Variants in PDXDC1 observed in about 807,000 individuals in gnomAD.
The protein encoded by PDXDC1 is pyridoxal dependent decarboxylase domain containing 1.
PDXDC1 carries 42 observed loss-of-function variants against 100.1 expected under a neutral mutation model. That is an observed-to-expected ratio of 0.42 (90% CI 0.33 to 0.54). PDXDC1 has a LOEUF of 0.54. Ranked by LOEUF, PDXDC1 falls within the 20% of genes least tolerant of loss-of-function variation. The pLI, the probability that PDXDC1 is intolerant of heterozygous loss-of-function variation, is 0.10. For missense variants in PDXDC1, 636 were observed against 979.2 expected, an observed-to-expected ratio of 0.65 and a Z score of 4.68; for synonymous variants, 260 against 371.7, an observed-to-expected ratio of 0.70 and a Z score of 3.46.
At chr16:15,047,418 CTA>C (rs771766502) in intron 16 of PDXDC1, 1 of 1,424,828 alleles carries the variant, frequency 7.0e-7, no homozygotes, top group South Asian at 1.1e-5. Flanking sequence ...CTCAATTCAC[CTA>C]TGAGAGCAGC....
At chr16:15,131,994 G>A (rs541141200) in intron 16 of PDXDC1, among the ~76,000 whole-genome samples, 14 of 4,956 alleles carry the variant, frequency 2.8e-3, no homozygotes, top group Non-Finnish European at 5.2e-3. Context: ...GGAGCAGGGG[G>A]ATAAGGGAGG....
chr16:15,094,385 C>A lies in PDXDC1; in HGVS notation c.1400-44494C>A, dbSNP rs2151834390. The A allele has an allele frequency of 7.1e-6, 5 of 699,836 alleles. No individual in the cohort carries two copies. The South Asian group carries it at 8.4e-5, about 12-fold the overall frequency. The allele number at this position is 699,836 out of a possible 1,614,324, so 43.4% of individuals were successfully genotyped here. On this transcript the variant is annotated intron_variant, in intron 16 of 16. Transcript: ENST00000535621. ...GGCGTATGCTCTCGGCGGGCTAGAGCGCCGCTGAAACCCGCTCCTCGTTCT... is the reference window on the plus strand; with the variant it reads ...GGCGTATGCTCTCGGCGGGCTAGAGAGCCGCTGAAACCCGCTCCTCGTTCT...
intron 1 of PDXDC1, among the ~76,000 whole-genome samples, chr16:14,985,782 T>C (rs541199907): frequency 1.3e-5 from 2 of 152,416 alleles, no homozygotes; most frequent in South Asian, 4.1e-4. Context: ...CCATACTGTC[T>C]GATAAAAATC....
chr16:15,031,554 C>G (rs1222787052), intron 16 of PDXDC1, among the ~76,000 whole-genome samples, 181 bp from the exon 17 acceptor site: 2 of 152,200 alleles, frequency 1.3e-5, no homozygotes, highest in African/African-American at 4.8e-5. Flanking sequence ...CCAGCTGTGT[C>G]TGTTTCTAAC....
intron 12 of PDXDC1, among the ~76,000 whole-genome samples, chr16:15,020,111 CAAAAAAAAAAAAAA>C (rs56353637): frequency 4.4e-5 from 4 of 90,620 alleles, no homozygotes; most frequent in South Asian, 4.5e-4. Context: ...GGCTCCGTCT[CAAAAAAAAAAAAAA>C]AAAAAAAAAA....
rs1432235143 is a variant in PDXDC1, at chr16:15,036,831, TAGTA to T, written c.*559_*562del. On this transcript the variant is annotated 3_prime_UTR_variant, in exon 23 of 23. Transcript: ENST00000396410. The stretch of plus-strand genomic sequence containing the variant: ...CCAGCTACTGCTCTTCGTGGAGACT[TAGTA>T]AGGACTGTGTCTACTTGAGCTGTGG... 6.3e-6 allele frequency: 1 copy of T among 158,542 alleles called. No homozygotes were observed. Among genetic ancestry groups the T allele is most frequent in the African/African-American group, 2.4e-5 (1 of 41,474 alleles). The allele number at this position is 158,542 out of a possible 1,614,324, so 9.8% of individuals were successfully genotyped here.
chr16:15,061,374 A>C (rs1049319762), intron 16 of PDXDC1: 7 of 213,134 alleles, frequency 3.3e-5, no homozygotes, highest in Non-Finnish European at 6.5e-5. Flanking sequence ...ATCTGACAAA[A>C]ACCCATGTTA....
At chr16:15,131,532 C>A (rs1026920973) in intron 16 of PDXDC1, 55 of 1,609,176 alleles carry the variant, frequency 3.4e-5, no homozygotes, top group Non-Finnish European at 4.6e-5. Flanking sequence ...CCACGATCTC[C>A]TCGCCCGCCA....
chr16:15,035,932 A>C (rs1238001905), intron 22 of PDXDC1, 84 bp from the exon 23 acceptor site: 6 of 1,376,722 alleles, frequency 4.4e-6, no homozygotes, highest in Non-Finnish European at 6.0e-6. Context: ...TTGTGAAATA[A>C]AGCAATTATC....
chr16:15,123,373 G>A lies in PDXDC1; in HGVS notation c.1400-15506G>A, dbSNP rs1156969379. ...TCCTGAGCTCCCAGGGTTCCTCAAG[G>A]TCACTTTTGGTGACAAAACATAAAA... On this transcript the variant is annotated intron_variant, in intron 16 of 16. Transcript: ENST00000535621. 2.0e-5 allele frequency: 23 copies of A among 1,148,496 alleles called. No homozygotes were observed. The South Asian group carries it at 2.5e-4, about 12-fold the overall frequency. The allele number at this position is 1,148,496 out of a possible 1,614,324, so 71.1% of individuals were successfully genotyped here. A position where few individuals can be genotyped will look rare whatever the true frequency, so the allele number is the denominator to read the frequency against.
intron 16 of PDXDC1, chr16:15,131,154 C>G (rs757745916): frequency 1.9e-6 from 3 of 1,588,770 alleles, no homozygotes; most frequent in East Asian, 4.5e-5. Context: ...CCAGGGTGAC[C>G]ACAGCACCGA....
intron 13 of PDXDC1, chr16:15,025,564 A>G (rs1487406220): frequency 2.0e-5 from 3 of 152,558 alleles, no homozygotes; most frequent in African/African-American, 7.2e-5. Context: ...CTTGGTATGA[A>G]TACTGTCCAC....
chr16:15,104,704 A>G (rs751770228), intron 16 of PDXDC1: 2 of 1,597,392 alleles, frequency 1.3e-6, no homozygotes, highest in African/African-American at 2.7e-5. Flanking sequence ...GCTGTGAGGT[A>G]GGGCCAGCAG....
intron 16 of PDXDC1, among the ~76,000 whole-genome samples, chr16:15,067,072 T>A (rs2966191): frequency 7.4e-6 from 1 of 135,642 alleles, no homozygotes; most frequent in Non-Finnish European, 1.6e-5. Flanking sequence ...ACCCACTCAC[T>A]GCCGTTGCTT....
At chr16:15,055,135 T>C (rs2044453193) in intron 16 of PDXDC1, among the ~76,000 whole-genome samples, 1 of 152,142 alleles carries the variant, frequency 6.6e-6, no homozygotes, top group Non-Finnish European at 1.5e-5. Flanking sequence ...TTGATTCCCC[T>C]TTAACAGGAT....
At chr16:15,087,293 T>C (rs547251109) in intron 16 of PDXDC1, among the ~76,000 whole-genome samples, 18 of 152,304 alleles carry the variant, frequency 1.2e-4, no homozygotes, top group African/African-American at 3.8e-4. Flanking sequence ...ACACTCCACA[T>C]ATATATCTTC....
intron 8 of PDXDC1, chr16:15,010,524 G>C (rs2041172868): frequency 6.5e-6 from 1 of 154,210 alleles, no homozygotes; most frequent in Admixed American, 6.5e-5. Context: ...TTGTAAGATT[G>C]TTGTAAAAAT....
At chr16:15,099,938 G>T (rs531161535) in intron 16 of PDXDC1, among the ~76,000 whole-genome samples, 1 of 152,286 alleles carries the variant, frequency 6.6e-6, no homozygotes, top group African/African-American at 2.4e-5. Flanking sequence ...GCTAGTGAAA[G>T]AAACAAAGTC....
At position 15,030,893 on chromosome 16, in the gene PDXDC1, AC is replaced by A. The variant is rs542014229; in HGVS notation, c.1399+838del. Among the ~76,000 whole-genome samples, 55 of 152,034 alleles carry A rather than the reference AC, an allele frequency of 3.6e-4. No homozygotes were observed. In the South Asian group the frequency reaches 0.011, roughly 31 times the overall value. ...TTAGAGTCATCCGGGAGCTTTACACACAACCAGTGGCCGCCCACCCCCAGAG... is the reference window on the plus strand; with the variant it reads ...TTAGAGTCATCCGGGAGCTTTACACAAACCAGTGGCCGCCCACCCCCAGAG... On this transcript the variant is annotated intron_variant, in intron 16 of 22. Transcript: ENST00000396410.
Sources: allele counts gnomAD v4.1 joint callset (sites outside exome capture counted in the v4.1 genomes callset), GRCh38; gene constraint gnomAD v4.1.1; transcripts MANE v1.5; gene names NCBI Gene and HGNC (gene_info 2026-07-23, HGNC 2026-07-21).